RRM2: variants seen among roughly 807,000 people sequenced by gnomAD.
RRM2 encodes ribonucleoside-diphosphate reductase subunit M2.
RRM2 carries 6 observed loss-of-function variants against 45.9 expected under a neutral mutation model. The ratio of observed to expected loss-of-function variants is 0.13; its 90% confidence interval spans 0.07 to 0.26. The LOEUF is 0.26. Ranked by LOEUF, RRM2 falls within the 10% of genes least tolerant of loss-of-function variation. The pLI, the probability that RRM2 is intolerant of heterozygous loss-of-function variation, is 1.00. For synonymous variants in RRM2, 177 were observed against 173.0 expected (o/e 1.02, Z -0.18); for missense variants, 343 against 489.5 (o/e 0.70, Z 2.82).
intron 3 of RRM2, among the ~76,000 whole-genome samples, chr2:10,164,801 G>T (rs1459705847): frequency 6.6e-6 from 1 of 152,148 alleles, no homozygotes; most frequent in African/African-American, 2.4e-5. Context: ...GCCCCTCCCT[G>T]GTCCTGCAGT....
upstream of RRM2, among the ~76,000 whole-genome samples, chr2:10,140,083 C>T: frequency 6.6e-6 from 1 of 151,716 alleles, no homozygotes; most frequent in South Asian, 2.1e-4. Context: ...CCCCTCTCTA[C>T]TAAAAATACA....
At chr2:10,163,744 C>T (rs1208258010) in intron 3 of RRM2, among the ~76,000 whole-genome samples, 4 of 152,250 alleles carry the variant, frequency 2.6e-5, no homozygotes, top group East Asian at 3.9e-4. Flanking sequence ...GTTCTCTCCC[C>T]TCTCCTGGTT....
At chr2:10,206,114 T>C (rs1372289460) in intron 3 of RRM2, among the ~76,000 whole-genome samples, 1 of 151,786 alleles carries the variant, frequency 6.6e-6, no homozygotes, top group African/African-American at 2.4e-5. Flanking sequence ...GGCATGGTGG[T>C]GGGCACCTGT....
intron 4 of RRM2, among the ~76,000 whole-genome samples, chr2:10,124,336 C>T (rs1315977549): frequency 6.6e-6 from 1 of 152,162 alleles, no homozygotes; most frequent in African/African-American, 2.4e-5. Context: ...GAACTGCTGA[C>T]CTCAGGTGAT....
Position 10,169,907 on chromosome 2 carries a change from A to G in RRM2, n.482+27532A>G, listed in dbSNP as rs577108790. On this transcript the variant is annotated intron_variant and non_coding_transcript_variant, in intron 3 of 3. Transcript: ENST00000381786. This position sits in a 1 kb window ranked among gnomAD's most constrained non-coding sequence, Gnocchi z 5.1. ...GTGAGTCAGGTTTTCCTAGTTCCTG[A>G]GGGCCTGGGAGGCCTTGGCTGGCAT... is the stretch of plus-strand genomic sequence containing the variant. Among the ~76,000 whole-genome samples the G allele has an allele frequency of 6.6e-6, 1 of 152,214 alleles. No individual in the cohort carries two copies. Among genetic ancestry groups the G allele is most frequent in the South Asian group, 2.1e-4 (1 of 4,824 alleles).
Position 10,123,770 on chromosome 2 carries a change from C to T in RRM2, c.353C>T (p.Ser118Phe), listed in dbSNP as rs772519994. The change falls in exon 4 of 10, where the codon TCC becomes TTC. Residue 118 changes from serine (S) to phenylalanine (F), a missense_variant. Transcript: ENST00000304567. ...DLSKDIQHWESLKPEERYFIS... is the reference protein window; with the variant it reads ...DLSKDIQHWEFLKPEERYFIS... Reference sequence around the variant, plus strand: ...TCCAAGGACATTCAGCACTGGGAATCCCTGAAACCCGAGGAGAGATATTTT... The same window carrying T: ...TCCAAGGACATTCAGCACTGGGAATTCCTGAAACCCGAGGAGAGATATTTT... 2 of 1,611,536 alleles carry T rather than the reference C, an allele frequency of 1.2e-6. No homozygotes were observed. Among genetic ancestry groups the T allele is most frequent in the Admixed American group, 1.7e-5 (1 of 59,986 alleles).
intron 3 of RRM2, among the ~76,000 whole-genome samples, chr2:10,196,778 G>T (rs1388102220): frequency 6.6e-6 from 1 of 152,248 alleles, no homozygotes; most frequent in East Asian, 1.9e-4. Context: ...GAGCCGGGAG[G>T]CCAGAGGGAG....
At chr2:10,174,040 G>A (rs995120182) in intron 3 of RRM2, among the ~76,000 whole-genome samples, 1 of 152,192 alleles carries the variant, frequency 6.6e-6, no homozygotes, top group Admixed American at 6.5e-5. Flanking sequence ...TTTGGAGTAG[G>A]GCAGTAATTA....
chr2:10,128,308 A>G (rs1406738210), intron 7 of RRM2, among the ~76,000 whole-genome samples: 1 of 152,262 alleles, frequency 6.6e-6, no homozygotes, highest in African/African-American at 2.4e-5. Flanking sequence ...AGCCAGGAGC[A>G]TGAACTCCAT....
chr2:10,209,317 C>CA (rs931085340), intron 3 of RRM2, among the ~76,000 whole-genome samples: 1 of 152,040 alleles, frequency 6.6e-6, no homozygotes, highest in African/African-American at 2.4e-5. Flanking sequence ...CTTGGCCTCC[C>CA]AAAGTGCTGG....
chr2:10,160,610 A>G lies in RRM2; in HGVS notation n.482+18235A>G, dbSNP rs6742418. Reference sequence around the variant, plus strand: ...CCTCTCCTTCCTTCCCATATTCACCATAGAGGTTTGGGTCCCCTCTCCCCT... The same window carrying G: ...CCTCTCCTTCCTTCCCATATTCACCGTAGAGGTTTGGGTCCCCTCTCCCCT... On this transcript the variant is annotated intron_variant and non_coding_transcript_variant, in intron 3 of 3. Coordinates refer to the RRM2 transcript ENST00000381786. Among the ~76,000 whole-genome samples, 1,135 of 152,152 alleles carry G rather than the reference A, an allele frequency of 7.5e-3. 12 individuals are homozygous for G. The highest frequency in any genetic ancestry group is 0.026 in the African/African-American group (1,083 of 41,530).
Position 10,142,266 on chromosome 2 carries a change from C to T in RRM2, n.373C>T, listed in dbSNP as rs770827482. 60 of 1,455,330 alleles carry T rather than the reference C, an allele frequency of 4.1e-5. 2 individuals are homozygous for T. The highest frequency in any genetic ancestry group is 2.8e-5 in the African/African-American group (2 of 70,920). 90.2% of individuals were successfully genotyped at this position (1,455,330 alleles called of 1,614,324 possible). A position where few individuals can be genotyped will look rare whatever the true frequency, so the allele number is the denominator to read the frequency against. ...ATTTCATTTCTAAGGGGATGAGAAG[C>T]TCGGGAAGGTCTGACCAGCCTTACG... On this transcript the variant is annotated non_coding_transcript_exon_variant, in exon 3 of 4. Transcript: ENST00000381786.
chr2:10,126,981 C>G lies in RRM2; in HGVS notation c.664+12C>G. The G allele has an allele frequency of 1.2e-6, 2 of 1,613,272 alleles. No individual in the cohort carries two copies. Among genetic ancestry groups the G allele is most frequent in the Non-Finnish European group, 1.7e-6 (2 of 1,179,430 alleles). Reference sequence around the variant, plus strand: ...AGAGGCTACCTATGGTAAGGAGACCCTTGCCCCTACTTAAACCTGAGCTTC... The same window carrying G: ...AGAGGCTACCTATGGTAAGGAGACCGTTGCCCCTACTTAAACCTGAGCTTC... On this transcript the variant is annotated intron_variant, in intron 6 of 9. Transcript: ENST00000304567.
chr2:10,206,553 G>A (rs1664669632), intron 3 of RRM2, among the ~76,000 whole-genome samples: 2 of 152,218 alleles, frequency 1.3e-5, no homozygotes, highest in South Asian at 2.1e-4. Context: ...AAAGGTGGCA[G>A]TGGAAGGAGG....
rs138818764 is a variant in RRM2, at chr2:10,195,253, G to A, written n.483-15058G>A. Among the ~76,000 whole-genome samples the A allele has an allele frequency of 4.6e-5, 7 of 152,288 alleles. No individual in the cohort carries two copies. The highest frequency in any genetic ancestry group is 1.4e-4 in the African/African-American group (6 of 41,556). On this transcript the variant is annotated intron_variant and non_coding_transcript_variant, in intron 3 of 3. Coordinates refer to the RRM2 transcript ENST00000381786. This position sits in a 1 kb window ranked among gnomAD's most constrained non-coding sequence, Gnocchi z 4.9. Reference sequence around the variant, plus strand: ...CACAGAATGGGAAGAGAGGCAGTGAGGCAGCCTCTCTGCAGAGGAGGGGCT... The same window carrying A: ...CACAGAATGGGAAGAGAGGCAGTGAAGCAGCCTCTCTGCAGAGGAGGGGCT...
At chr2:10,136,241 G>A (rs1279654679), downstream of RRM2, among the ~76,000 whole-genome samples, 1 of 152,238 alleles carries the variant, frequency 6.6e-6, no homozygotes, top group Non-Finnish European at 1.5e-5. Context: ...AAAGGGCAGA[G>A]GGGTTGAGGC....
chr2:10,196,625 C>T (rs1183579521), intron 3 of RRM2, among the ~76,000 whole-genome samples: 5 of 152,142 alleles, frequency 3.3e-5, no homozygotes, highest in Non-Finnish European at 5.9e-5. Flanking sequence ...CATGGGGGGC[C>T]GGGCTCCGGG....
exon 4 of RRM2, chr2:10,210,524 TC>T: frequency 7.3e-7 from 1 of 1,367,288 alleles, no homozygotes; most frequent in African/African-American, 1.5e-5. Flanking sequence ...CTTCAGCATA[TC>T]CTTTCACTGG....
rs950368210 is a variant in RRM2 at position 10,205,201 on chromosome 2, G to T, written n.483-5110G>T. On this transcript the variant is annotated intron_variant and non_coding_transcript_variant, in intron 3 of 3. Coordinates refer to the RRM2 transcript ENST00000381786. This position sits in a 1 kb window ranked among gnomAD's most constrained non-coding sequence, Gnocchi z 4.8. ...GGAGACTTAGAGAAATGAGGAGGGG[G>T]CGTGGAGCAGGGGCTGAGGCCTGAG... 6.6e-6 allele frequency among the ~76,000 whole-genome samples: 1 copy of T among 152,234 alleles called. No individual in the cohort carries two copies. Among genetic ancestry groups the T allele is most frequent in the African/African-American group, 2.4e-5 (1 of 41,448 alleles).
Sources: gnomAD v4.1 joint callset for allele counts (sites outside exome capture counted in the v4.1 genomes callset) on GRCh38, gnomAD v4.1.1 for gene constraint, Gnocchi (gnomAD v3.1) non-coding constraint, MANE v1.5 for transcripts, NCBI Gene and HGNC (gene_info 2026-07-23, HGNC 2026-07-21) for gene names.